The following NDRG1 variants were observed in gnomAD, a reference collection of about 807,000 sequenced individuals.
NDRG1 encodes the protein N-myc downstream regulated 1.
NDRG1 carries 32 observed loss-of-function variants against 56.9 expected under a neutral mutation model. The ratio of observed to expected loss-of-function variants is 0.56; its 90% CI spans 0.42 to 0.76. The LOEUF (loss-of-function observed/expected upper bound fraction) is 0.76. Ranked by LOEUF, NDRG1 falls within the 30% of genes least tolerant of loss-of-function variation. The pLI is 0.00. For synonymous variants in NDRG1, 211 were observed against 204.1 expected, an observed-to-expected ratio of 1.03 and a Z score of -0.29; for missense variants, 507 against 545.7, an observed-to-expected ratio of 0.93 and a Z score of 0.71.
rs919751666 is a variant in NDRG1, at chr8:133,296,066, A to G, written c.-19+1068T>C. Among the ~76,000 whole-genome samples, 25 of 152,228 alleles carry G rather than the reference A, an allele frequency of 1.6e-4. No homozygotes were observed. The Middle Eastern group carries it at 0.014, about 83-fold the overall frequency. ...AACCGACCCACTAAATCCCAGCTCC[A>G]GCTACTAATTTGACAGAGGCGTGAC... On this transcript the variant is annotated intron_variant, in intron 1 of 15. Coordinates refer to ENST00000323851, the MANE Select transcript of NDRG1 (RefSeq NM_006096.4).
intron 5 of NDRG1, among the ~76,000 whole-genome samples, 166 bp downstream of exon 5, chr8:133,261,881 C>T (rs1856676157): frequency 6.6e-6 from 1 of 152,220 alleles, no homozygotes; most frequent in Admixed American, 6.5e-5. Flanking sequence ...AGTGAAAGTG[C>T]TAACTTTTAT....
In NDRG1 at chr8:133,292,810, A is replaced by T. The variant is rs538046029; in HGVS notation, c.-19+4324T>A. Among the ~76,000 whole-genome samples, 244 of 152,256 alleles carry T rather than the reference A, an allele frequency of 1.6e-3. 3 individuals carry two copies. Among genetic ancestry groups the T allele is most frequent in the Middle Eastern group, 6.8e-3 (2 of 294 alleles). Reference sequence around the variant, plus strand: ...AGAAAGTCTCCCCACAGATTTAAAGAAAGGAAAGATTAAACTGCTGGGGAG... The same window carrying T: ...AGAAAGTCTCCCCACAGATTTAAAGTAAGGAAAGATTAAACTGCTGGGGAG... On this transcript the variant is annotated intron_variant, in intron 1 of 15. Transcript: ENST00000323851.
intron 2 of NDRG1, among the ~76,000 whole-genome samples, chr8:133,283,921 G>A (rs1010220088): frequency 2.0e-4 from 31 of 152,320 alleles, no homozygotes; most frequent in Admixed American, 9.2e-4. Flanking sequence ...CCTCTGGTTC[G>A]ATGTCTTCAC....
intron 3 of NDRG1, among the ~76,000 whole-genome samples, chr8:133,274,282 C>T (rs2929997): frequency 0.67 from 101,308 of 152,162 alleles, 35,624 homozygotes; most frequent in East Asian, 1. Context: ...TCCTCAGTGC[C>T]GAGCTCTGGG....
At chr8:133,247,221 T>C (rs573883215) in intron 12 of NDRG1, among the ~76,000 whole-genome samples, 1 of 152,328 alleles carries the variant, frequency 6.6e-6, no homozygotes, top group East Asian at 1.9e-4. Context: ...TCTATTGATG[T>C]ATCCCATGAT....
At chr8:133,252,132 T>C (rs1462393991) in intron 9 of NDRG1, among the ~76,000 whole-genome samples, 1 of 152,140 alleles carries the variant, frequency 6.6e-6, no homozygotes. Context: ...TCTCCCTCTG[T>C]CTCACCCAGG....
At chr8:133,241,969 T>G (rs1467647835) in intron 15 of NDRG1, 54 bp downstream of exon 15, 1 of 1,604,026 alleles carries the variant, frequency 6.2e-7, no homozygotes, top group African/African-American at 1.3e-5. Context: ...GACAGAGCAC[T>G]TCCAATTCCG....
At chr8:133,287,137 G>A (rs190237670) in intron 1 of NDRG1, among the ~76,000 whole-genome samples, 302 of 152,174 alleles carry the variant, frequency 2.0e-3, no homozygotes, top group Non-Finnish European at 3.0e-3. Flanking sequence ...TTATCCAAAG[G>A]AAATCATGTA....
rs2233320 is a variant in NDRG1 at position 133,264,494 on chromosome 8, C to T, written c.205+53G>A. 936 of 1,557,738 alleles carry T rather than the reference C, an allele frequency of 6.0e-4. 8 individuals are homozygous for T. The African/African-American group carries it at 0.011, about 19-fold the overall frequency. On this transcript the variant is annotated intron_variant, in intron 4 of 15. Transcript: ENST00000323851. ...TCAGCCCTTCTCGGCTGCCTTTTTC[C>T]GCCACTCTCTTGGGAACCGGCTGAC...
At chr8:133,279,942 C>T (rs1351140553) in intron 3 of NDRG1, among the ~76,000 whole-genome samples, 1 of 152,190 alleles carries the variant, frequency 6.6e-6, no homozygotes, top group Non-Finnish European at 1.5e-5. Flanking sequence ...CAGCATCACA[C>T]CATTTTCCCC....
At chr8:133,257,568 T>G (rs1248366627) in intron 7 of NDRG1, among the ~76,000 whole-genome samples, 2 of 152,196 alleles carry the variant, frequency 1.3e-5, no homozygotes, top group African/African-American at 2.4e-5. Context: ...TTGATGTATC[T>G]AAGCAAATCT....
chr8:133,239,247 C>G (rs914480603), intron 15 of NDRG1, 128 bp from the exon 16 acceptor site: 31 of 1,426,038 alleles, frequency 2.2e-5, no homozygotes, highest in African/African-American at 2.8e-5. Context: ...CTGCAGCCAT[C>G]CAGCTGCTGG....
At chr8:133,248,026 T>G in intron 11 of NDRG1, 100 bp from the exon 12 acceptor site, 1 of 1,197,672 alleles carries the variant, frequency 8.3e-7, no homozygotes, top group Non-Finnish European at 1.2e-6. Context: ...ACAAACAATG[T>G]CATTTTGGTT....
At chr8:133,279,337 T>TCCTTC (rs1163057935) in intron 3 of NDRG1, among the ~76,000 whole-genome samples, 1 of 152,190 alleles carries the variant, frequency 6.6e-6, no homozygotes, top group Non-Finnish European at 1.5e-5. Flanking sequence ...TCCTTTCCTT[T>TCCTTC]CCTTCCAAAG....
At chr8:133,266,767 T>C (rs1254904344) in intron 3 of NDRG1, among the ~76,000 whole-genome samples, 1 of 151,970 alleles carries the variant, frequency 6.6e-6, no homozygotes, top group Non-Finnish European at 1.5e-5. Flanking sequence ...CAGGGACGAG[T>C]GGGTGACAAC....
intron 1 of NDRG1, among the ~76,000 whole-genome samples, chr8:133,296,129 C>G (rs943674295): frequency 6.6e-6 from 1 of 152,164 alleles, no homozygotes; most frequent in Non-Finnish European, 1.5e-5. Flanking sequence ...TTCCCCAAGC[C>G]CAGCCCGAAA....
At chr8:133,279,601 G>A (rs993359158) in intron 3 of NDRG1, among the ~76,000 whole-genome samples, 4 of 152,172 alleles carry the variant, frequency 2.6e-5, no homozygotes, top group East Asian at 1.9e-4. Context: ...CCACAAGCTC[G>A]CCATATGCTC....
rs761873077 is a variant in NDRG1 at position 133,264,674 on chromosome 8, T to C, written c.100-22A>G. On this transcript the variant is annotated intron_variant, in intron 3 of 15. Coordinates refer to ENST00000323851, the MANE Select transcript of NDRG1 (RefSeq NM_006096.4). ...GCTCCTGAGGAGACACAGCAGACAG[T>C]GGGCTGGTCATGTGGGGTTCATGGC... 1.9e-6 allele frequency: 3 copies of C among 1,605,348 alleles called. No individual in the cohort carries two copies. In the Admixed American group the frequency reaches 5.0e-5, roughly 27 times the overall value.
chr8:133,273,627 A>G (rs1209055649), intron 3 of NDRG1, among the ~76,000 whole-genome samples: 1 of 152,038 alleles, frequency 6.6e-6, no homozygotes, highest in African/African-American at 2.4e-5. Context: ...TGACTATAAC[A>G]TTTTTCGGAA....
Sources: gnomAD v4.1 joint callset for allele counts (sites outside exome capture counted in the v4.1 genomes callset) on GRCh38, gnomAD v4.1.1 for gene constraint, MANE v1.5 for transcripts, NCBI Gene and HGNC (gene_info 2026-07-23, HGNC 2026-07-21) for gene names.